The following APC variants were observed in gnomAD, a reference collection of about 807,000 sequenced individuals.
The protein encoded by APC is APC regulator of Wnt signaling pathway.
Under a neutral mutation model 247.0 loss-of-function variants are expected in APC, and 72 were observed. The ratio of observed to expected loss-of-function variants is 0.29; its 90% CI spans 0.24 to 0.35. APC has a LOEUF of 0.35. Ranked by LOEUF, APC falls within the 10% of genes least tolerant of loss-of-function variation. The probability of loss-of-function intolerance (pLI) is 1.00; values close to 1 mark genes in which losing one functional copy is unlikely to be tolerated. For synonymous variants in APC, 1,254 were observed against 1,162.5 expected, an observed-to-expected ratio of 1.08 and a Z score of -1.60; for missense variants, 3,400 against 3,360.7, an observed-to-expected ratio of 1.01 and a Z score of -0.29.
At chr5:112,779,611 A>G (rs1758107622) in intron 5 of APC, among the ~76,000 whole-genome samples, 1 of 152,184 alleles carries the variant, frequency 6.6e-6, no homozygotes, top group African/African-American at 2.4e-5. Context: ...TTATCAAAAC[A>G]TTACTGAAAA....
intron 1 of APC, among the ~76,000 whole-genome samples, chr5:112,742,265 C>G (rs1753123134): frequency 6.6e-6 from 1 of 152,206 alleles, no homozygotes; most frequent in African/African-American, 2.4e-5. Context: ...GTACCTATCA[C>G]TGTTCCTCCA....
rs1064795972 is a variant in APC at position 112,842,622 on chromosome 5, C to T, written c.7028C>T (p.Ser2343Phe). 2.5e-6 allele frequency: 4 copies of T among 1,613,940 alleles called. No individual in the cohort carries two copies. The highest frequency in any genetic ancestry group is 1.1e-5 in the South Asian group (1 of 91,078). ...GGAATAAGTCCTCCTAACAAATTAT[C>T]TCAACTTCCAAGGACATCATCCCCT... Reference protein sequence around the residue: ...RNGISPPNKLSQLPRTSSPST... With the variant: ...RNGISPPNKLFQLPRTSSPST... Residue 2343 changes from serine (S) to phenylalanine (F), a missense_variant, in exon 16 of 16, where the codon TCT (serine) becomes TTT (phenylalanine). Physicochemically the swap from Ser to Phe is radical, Grantham distance 155. This residue lies in a region of APC where 1,788 missense variants were observed against 1,649.5 expected (regional missense o/e 1.08). Coordinates refer to ENST00000257430, the MANE Select transcript of APC (RefSeq NM_000038.6).
intron 14 of APC, among the ~76,000 whole-genome samples, chr5:112,834,238 CTTTTTTTTTTT>C (rs963878310): frequency 7.9e-6 from 1 of 126,594 alleles, no homozygotes; most frequent in Non-Finnish European, 1.6e-5. Flanking sequence ...CACGTTGCGC[CTTTTTTTTTTT>C]TTTTTTTTTT....
intron 6 of APC, among the ~76,000 whole-genome samples, chr5:112,781,253 A>T (rs1580381650): frequency 6.6e-6 from 1 of 152,308 alleles, no homozygotes; most frequent in Non-Finnish European, 1.5e-5. Flanking sequence ...AGAACATGTC[A>T]CTGCTCTTCA....
intron 13 of APC, 64 bp from the exon 14 acceptor site, chr5:112,828,792 A>C: frequency 8.2e-7 from 1 of 1,212,688 alleles, no homozygotes; most frequent in African/African-American, 1.5e-5. Flanking sequence ...TGCTAGCATT[A>C]AAAACAAAAA....
chr5:112,708,630 T>C (rs1253656966), intron 1 of APC, among the ~76,000 whole-genome samples: 2 of 152,252 alleles, frequency 1.3e-5, no homozygotes, highest in Non-Finnish European at 2.9e-5. Context: ...ATAAGTGATT[T>C]ATTCTTTTAT....
rs1766024343 is a variant in APC at position 112,841,322 on chromosome 5, A to G, written c.5728A>G (p.Thr1910Ala). ...LTSNQQSANK[T>A]QAIAKQPINR... Reference sequence around the variant, plus strand: ...CTCCAACCAACAATCAGCTAATAAGACACAAGCTATTGCAAAGCAGCCAAT... The same window carrying G: ...CTCCAACCAACAATCAGCTAATAAGGCACAAGCTATTGCAAAGCAGCCAAT... Residue 1910 changes from threonine (T) to alanine (A), a missense_variant, in exon 16 of 16, where the codon ACA becomes GCA. By Grantham distance (58) the Thr-to-Ala change is moderately conservative. This residue lies in a region of APC where 1,788 missense variants were observed against 1,649.5 expected (regional missense o/e 1.08). Transcript: ENST00000257430. The surrounding 1 kb of genome is among the most constrained non-coding windows in gnomAD (Gnocchi z 4.6). 1.2e-6 allele frequency: 2 copies of G among 1,614,006 alleles called. No individual in the cohort carries two copies. The highest frequency in any genetic ancestry group is 1.7e-6 in the Non-Finnish European group (2 of 1,179,924).
rs1295550142 is a variant in APC at position 112,767,484 on chromosome 5, G to A, written c.422+94G>A. 6.0e-6 allele frequency: 6 copies of A among 1,003,430 alleles called. No individual in the cohort carries two copies. In the Admixed American group the frequency reaches 6.4e-5, roughly 11 times the overall value. The allele number at this position is 1,003,430 out of a possible 1,614,324, so 62.2% of individuals were successfully genotyped here. On this transcript the variant is annotated intron_variant, in intron 4 of 15. Transcript: ENST00000257430. Reference sequence around the variant, plus strand: ...TTTAAATTGTGAATTTATAGTAGGTGATAGCTAACACTTAGAGCATTTTGC... The same window carrying A: ...TTTAAATTGTGAATTTATAGTAGGTAATAGCTAACACTTAGAGCATTTTGC...
chr5:112,780,014 AT>A (rs1758149723), intron 5 of APC, among the ~76,000 whole-genome samples: 1 of 152,150 alleles, frequency 6.6e-6, no homozygotes, highest in South Asian at 2.1e-4. Flanking sequence ...GTTACCTATC[AT>A]TTTATTTAAT....
At chr5:112,769,654 T>A (rs1756806402) in intron 4 of APC, among the ~76,000 whole-genome samples, 1 of 152,198 alleles carries the variant, frequency 6.6e-6, no homozygotes, top group African/African-American at 2.4e-5. Flanking sequence ...CTCTGTGACC[T>A]TGGTTAAGTC....
At position 112,841,842 on chromosome 5, in the gene APC, T is replaced by G. The variant is rs758715972; in HGVS notation, c.6248T>G (p.Ile2083Arg). ...GATCTGACACTTGATTTGAAAGATA[T>G]ACAGAGACCAGATTCAGAACATGGT... The part of the protein sequence containing the change: ...GEDLTLDLKD[I>R]QRPDSEHGLS... Residue 2083 changes from isoleucine (I) to arginine (R), a missense_variant, in exon 16 of 16, where the codon ATA becomes AGA. Physicochemically the swap from Ile to Arg is moderately conservative, Grantham distance 97 (BLOSUM62 -3). Around this residue, in one of 9 missense-constraint regions of APC, gnomAD observed 1,788 missense variants for 1,649.5 expected, o/e 1.08. Coordinates refer to ENST00000257430, the MANE Select transcript of APC (RefSeq NM_000038.6). The surrounding 1 kb of genome is among the most constrained non-coding windows in gnomAD (Gnocchi z 4.6). 13 of 1,613,726 alleles carry G rather than the reference T, an allele frequency of 8.1e-6. No individual in the cohort carries two copies. The highest frequency in any genetic ancestry group is 1.1e-5 in the Non-Finnish European group (13 of 1,179,794).
At position 112,780,812 on chromosome 5, in the gene APC, C is replaced by T. The variant is rs1484797510; in HGVS notation, c.554C>T (p.Thr185Ile). The T allele has an allele frequency of 3.7e-6, 6 of 1,612,070 alleles. No individual in the cohort carries two copies. Among genetic ancestry groups the T allele is most frequent in the Admixed American group, 1.7e-5 (1 of 59,954 alleles). ...TAGTTTTCCTTACAAACAGATATGA[C>T]CAGAAGGCAATTGGAATATGAAGCA... ...TENFSLQTDM[T>I]RRQLEYEARQ... is the part of the protein sequence containing the mutation. The change falls in exon 6 of 16, where the codon ACC (threonine) becomes ATC (isoleucine). Residue 185 changes from threonine to isoleucine, a missense_variant. Physicochemically the swap from Thr to Ile is moderately conservative, Grantham distance 89. Coordinates refer to ENST00000257430, the MANE Select transcript of APC (RefSeq NM_000038.6).
Position 112,826,208 on chromosome 5 carries a change from T to C in APC, c.1409-900T>C, listed in dbSNP as rs148207908. Among the ~76,000 whole-genome samples, 1,149 of 152,330 alleles carry C rather than the reference T, an allele frequency of 7.5e-3. 22 individuals carry two copies. The highest frequency in any genetic ancestry group is 9.4e-3 in the Non-Finnish European group (637 of 68,028). ...GAATGACCTAATTAGACTTGTAGTA[T>C]CCAAGAATTGCCTGTTTATATTCAT... On this transcript the variant is annotated intron_variant, in intron 11 of 15. Coordinates refer to ENST00000257430, the MANE Select transcript of APC (RefSeq NM_000038.6).
intron 1 of APC, among the ~76,000 whole-genome samples, chr5:112,722,848 C>T (rs1751559866): frequency 6.6e-6 from 1 of 152,098 alleles, no homozygotes; most frequent in South Asian, 2.1e-4. Context: ...GCTGTCTGAA[C>T]CCTGTCCTCT....
rs140554222 is a variant in APC, at chr5:112,777,415, A to G, written c.531+1678A>G. Among the ~76,000 whole-genome samples the G allele has an allele frequency of 6.9e-3, 1,045 of 152,292 alleles. 13 individuals are homozygous for G. Among genetic ancestry groups the G allele is most frequent in the African/African-American group, 0.024 (1,002 of 41,556 alleles). Reference sequence around the variant, plus strand: ...TGTTCTCTCATGCAGTGGATATAATATACCATGGTATCTAATTTTTCTTTC... The same window carrying G: ...TGTTCTCTCATGCAGTGGATATAATGTACCATGGTATCTAATTTTTCTTTC... On this transcript the variant is annotated intron_variant, in intron 5 of 15. Coordinates refer to ENST00000257430, the MANE Select transcript of APC (RefSeq NM_000038.6).
At chr5:112,771,319 A>G (rs905565875) in intron 4 of APC, among the ~76,000 whole-genome samples, 6 of 152,118 alleles carry the variant, frequency 3.9e-5, no homozygotes, top group African/African-American at 1.4e-4. Context: ...TTATTCATAA[A>G]TAAATTTTTA....
intron 8 of APC, among the ~76,000 whole-genome samples, chr5:112,804,975 A>AT (rs1761222838): frequency 6.6e-6 from 1 of 151,584 alleles, no homozygotes; most frequent in Non-Finnish European, 1.5e-5. Flanking sequence ...GGCAAAAAAT[A>AT]TTTTTTTTAA....
intron 14 of APC, among the ~76,000 whole-genome samples, chr5:112,832,306 G>A (rs1764380505): frequency 6.6e-6 from 1 of 151,840 alleles, no homozygotes; most frequent in African/African-American, 2.4e-5. Flanking sequence ...TTTGTTCTCA[G>A]GATACTTGGA....
At chr5:112,746,289 TAAGAAAA>T (rs1294583378) in intron 1 of APC, among the ~76,000 whole-genome samples, 5 of 152,184 alleles carry the variant, frequency 3.3e-5, no homozygotes, top group African/African-American at 9.6e-5. Context: ...GTCACTTTGA[TAAGAAAA>T]AAGAAAAAAG....
Sources: allele counts gnomAD v4.1 joint callset (sites outside exome capture counted in the v4.1 genomes callset), GRCh38; gene constraint gnomAD v4.1.1; regional missense constraint gnomAD v4.1.1; non-coding constraint Gnocchi (gnomAD v3.1); transcripts MANE v1.5; gene names NCBI Gene and HGNC (gene_info 2026-07-23, HGNC 2026-07-21).